TMEM108: variants seen among roughly 807,000 people sequenced by gnomAD.
TMEM108 encodes transmembrane protein 108.
A neutral mutation model predicts 35.1 loss-of-function variants in TMEM108; 12 were observed. The observed-to-expected ratio is 0.34, with a 90% CI of 0.22 to 0.55. TMEM108 has a LOEUF of 0.55. Among genes scored for constraint, TMEM108 ranks in the 20% least tolerant of loss-of-function variants. The pLI, the probability that TMEM108 is intolerant of heterozygous loss-of-function variation, is 0.89. For synonymous variants in TMEM108, 287 were observed against 308.6 expected, an observed-to-expected ratio of 0.93 and a Z score of 0.73; for missense variants, 680 against 753.3, an observed-to-expected ratio of 0.90 and a Z score of 1.14.
intron 2 of TMEM108, among the ~76,000 whole-genome samples, chr3:133,158,274 C>A (rs1309287861): frequency 6.6e-6 from 1 of 151,644 alleles, no homozygotes; most frequent in Non-Finnish European, 1.5e-5. Flanking sequence ...TCGAGACCAT[C>A]CCGGCCAACA....
chr3:133,086,387 A>G (rs558376043), intron 2 of TMEM108, among the ~76,000 whole-genome samples: 65 of 152,288 alleles, frequency 4.3e-4, no homozygotes, highest in Non-Finnish European at 6.9e-4. Context: ...TACACTATAA[A>G]TAAGGGACTT....
chr3:133,353,534 G>T (rs1255525819), intron 3 of TMEM108, among the ~76,000 whole-genome samples: 1 of 152,196 alleles, frequency 6.6e-6, no homozygotes, highest in Non-Finnish European at 1.5e-5. Flanking sequence ...AAGGACTGCT[G>T]TATCTGCCTT....
intron 2 of TMEM108, among the ~76,000 whole-genome samples, chr3:133,196,075 G>A (rs1945571507): frequency 6.6e-6 from 1 of 152,134 alleles, no homozygotes; most frequent in Non-Finnish European, 1.5e-5. Context: ...AAATCCTTTA[G>A]CTGTTGGTAA....
intron 3 of TMEM108, among the ~76,000 whole-genome samples, chr3:133,259,605 C>T (rs534968100): frequency 1.5e-4 from 23 of 152,112 alleles, no homozygotes; most frequent in Non-Finnish European, 3.1e-4. Context: ...ACTGCAAGCC[C>T]GGTGTTCTTT....
chr3:133,067,336 G>A (rs957290207), intron 2 of TMEM108, among the ~76,000 whole-genome samples: 1 of 152,118 alleles, frequency 6.6e-6, no homozygotes, highest in Non-Finnish European at 1.5e-5. Flanking sequence ...GGTATTTGAT[G>A]CATTCTTTAT....
chr3:133,089,020 G>A (rs1028092782), intron 2 of TMEM108, among the ~76,000 whole-genome samples: 2 of 152,164 alleles, frequency 1.3e-5, no homozygotes, highest in African/African-American at 4.8e-5. Flanking sequence ...GAAAGCAAAG[G>A]GGGAGTGAGC....
At chr3:133,184,574 G>A (rs1383656008) in intron 2 of TMEM108, among the ~76,000 whole-genome samples, 2 of 152,132 alleles carry the variant, frequency 1.3e-5, no homozygotes, top group Non-Finnish European at 2.9e-5. Flanking sequence ...AAGAAAACTT[G>A]CCTTAATTAA....
At chr3:133,311,811 A>G (rs1296217645) in intron 3 of TMEM108, among the ~76,000 whole-genome samples, 1 of 152,204 alleles carries the variant, frequency 6.6e-6, no homozygotes, top group African/African-American at 2.4e-5. Context: ...TAGAATTTTC[A>G]GCTTTTCTGC....
chr3:133,323,491 G>C (rs1166679599), intron 3 of TMEM108, among the ~76,000 whole-genome samples: 1 of 152,022 alleles, frequency 6.6e-6, no homozygotes, highest in Non-Finnish European at 1.5e-5. Flanking sequence ...TCTCTACAAG[G>C]AAAACTACAG....
chr3:133,277,089 CA>C (rs1330108809), intron 3 of TMEM108, among the ~76,000 whole-genome samples: 13 of 151,122 alleles, frequency 8.6e-5, no homozygotes, highest in African/African-American at 3.2e-4. Context: ...ACATGACAAG[CA>C]AATGCAGTAT....
intron 2 of TMEM108, among the ~76,000 whole-genome samples, chr3:133,055,574 G>A (rs1451634901): frequency 1.3e-5 from 2 of 152,180 alleles, no homozygotes; most frequent in Non-Finnish European, 2.9e-5. Flanking sequence ...TTTGGATGCA[G>A]ATCCCTGAGG....
intron 2 of TMEM108, among the ~76,000 whole-genome samples, chr3:133,101,475 A>G (rs1259368933): frequency 6.6e-6 from 1 of 152,166 alleles, no homozygotes; most frequent in Non-Finnish European, 1.5e-5. Flanking sequence ...ATCAAACCAC[A>G]TATCCTAGCA....
intron 2 of TMEM108, among the ~76,000 whole-genome samples, chr3:133,189,110 A>G (rs1323572287): frequency 6.6e-6 from 1 of 152,238 alleles, no homozygotes; most frequent in Admixed American, 6.5e-5. Flanking sequence ...TGGTAAACAC[A>G]TCATATTGAC....
intron 3 of TMEM108, among the ~76,000 whole-genome samples, chr3:133,262,765 T>A (rs1389233876): frequency 6.6e-6 from 1 of 152,244 alleles, no homozygotes; most frequent in Non-Finnish European, 1.5e-5. Flanking sequence ...GAAGATATGG[T>A]TGCTCCCTTC....
chr3:133,343,032 T>C (rs907577476), intron 3 of TMEM108, among the ~76,000 whole-genome samples: 2 of 151,808 alleles, frequency 1.3e-5, no homozygotes, highest in African/African-American at 4.8e-5. Flanking sequence ...CCCATAAATA[T>C]GTGCAATTAT....
intron 3 of TMEM108, chr3:133,246,650 A>G (rs1946390439): frequency 6.6e-6 from 1 of 151,400 alleles, no homozygotes; most frequent in Non-Finnish European, 1.5e-5. Context: ...CCAGGTGGCC[A>G]CAGCTGAGTA....
chr3:133,097,150 A>G (rs1029502838), intron 2 of TMEM108, among the ~76,000 whole-genome samples: 1 of 152,232 alleles, frequency 6.6e-6, no homozygotes, highest in Non-Finnish European at 1.5e-5. Flanking sequence ...GTGTGCTTAG[A>G]TAAGCAGTCT....
chr3:133,326,107 G>T (rs1559905385), intron 3 of TMEM108, among the ~76,000 whole-genome samples: 1 of 152,072 alleles, frequency 6.6e-6, no homozygotes, highest in Non-Finnish European at 1.5e-5. Flanking sequence ...ACAACAAAAA[G>T]TAAAACAAAA....
chr3:133,218,051 A>T (rs1945934711), intron 2 of TMEM108, among the ~76,000 whole-genome samples: 1 of 152,090 alleles, frequency 6.6e-6, no homozygotes, highest in Non-Finnish European at 1.5e-5. Flanking sequence ...ATCCATGAAC[A>T]TAGGATGTCT....
Sources: gnomAD v4.1 joint callset for allele counts (sites outside exome capture counted in the v4.1 genomes callset) on GRCh38, gnomAD v4.1.1 for gene constraint, MANE v1.5 for transcripts, NCBI Gene and HGNC (gene_info 2026-07-23, HGNC 2026-07-21) for gene names.